The following GALNT14 variants were observed in gnomAD, a reference collection of about 807,000 sequenced individuals.
GALNT14 encodes polypeptide N-acetylgalactosaminyltransferase 14, also known as UDP-GalNAc:polypeptide N-acetylgalactosaminyltransferase 14.
A neutral mutation model predicts 77.5 loss-of-function variants in GALNT14; 60 were observed. The ratio of observed to expected loss-of-function variants is 0.77; its 90% confidence interval spans 0.63 to 0.96. GALNT14 has a LOEUF of 0.96. Among genes scored for constraint, GALNT14 ranks in the 40% least tolerant of loss-of-function variants. GALNT14 has a pLI of 0.00. For missense variants in GALNT14, 710 were observed against 731.0 expected, an observed-to-expected ratio of 0.97 and a Z score of 0.33; for synonymous variants, 280 against 281.7, an observed-to-expected ratio of 0.99 and a Z score of 0.06.
chr2:30,910,986 T>C lies in GALNT14; in HGVS notation c.1574A>G (p.Asp525Gly). 1 of 1,613,926 alleles carries C rather than the reference T, an allele frequency of 6.2e-7. No homozygotes were observed. Among genetic ancestry groups the C allele is most frequent in the Non-Finnish European group, 8.5e-7 (1 of 1,179,940 alleles). The change falls in exon 15 of 15, where the codon GAT becomes GGT. Residue 525 changes from aspartate (D) to glycine (G), a missense_variant. By Grantham distance (94) the Asp-to-Gly change is moderately conservative. Coordinates refer to ENST00000349752, the MANE Select transcript of GALNT14 (RefSeq NM_024572.4). ...GATTTCCTTGCCGTTCTCGGTGCCA[T>C]CACCGAACATATCTGTATCGAGGCA... is the stretch of plus-strand genomic sequence containing the variant. ...HLCLDTDMFGDGTENGKEIVV... is the reference protein window; with the variant it reads ...HLCLDTDMFGGGTENGKEIVV...
At chr2:30,911,934 C>T (rs573282847) in intron 14 of GALNT14, among the ~76,000 whole-genome samples, 42 of 152,238 alleles carry the variant, frequency 2.8e-4, no homozygotes, top group South Asian at 8.3e-4. Flanking sequence ...TGGGATCCCA[C>T]GTGGGGAACA....
At chr2:31,081,192 C>T (rs1022509838) in intron 1 of GALNT14, among the ~76,000 whole-genome samples, 1 of 152,164 alleles carries the variant, frequency 6.6e-6, no homozygotes. Flanking sequence ...AATGGTAAAG[C>T]TCAGTTAATC....
Position 30,914,779 on chromosome 2 carries a change from G to A in GALNT14, c.1381-2437C>T, listed in dbSNP as rs183034538. On this transcript the variant is annotated intron_variant, in intron 13 of 14. Transcript: ENST00000349752. ...CCTCGGAGGACAAACCCAGGGATGA[G>A]ACCCACGCAGGGTTTTGAATTAGGC... Among the ~76,000 whole-genome samples, 595 of 152,344 alleles carry A rather than the reference G, an allele frequency of 3.9e-3. 3 individuals are homozygous for A. The highest frequency in any genetic ancestry group is 7.5e-3 in the Admixed American group (114 of 15,302).
rs555114669 is a variant in GALNT14, at chr2:31,127,116, C to T, written c.129+10842G>A. The stretch of plus-strand genomic sequence containing the variant: ...TACTCAAGGAATTTCACAAGGTGAA[C>T]GCACCTGTGTAACCAGCCCCCCAAT... On this transcript the variant is annotated intron_variant, in intron 1 of 14. Coordinates refer to ENST00000349752, the MANE Select transcript of GALNT14 (RefSeq NM_024572.4). Among the ~76,000 whole-genome samples the T allele has an allele frequency of 6.0e-4, 92 of 152,278 alleles. 2 individuals are homozygous for T. In the South Asian group the frequency reaches 7.3e-3, roughly 12 times the overall value.
chr2:31,135,951 G>A (rs1460417151), intron 1 of GALNT14, among the ~76,000 whole-genome samples: 2 of 152,160 alleles, frequency 1.3e-5, no homozygotes, highest in Non-Finnish European at 2.9e-5. Flanking sequence ...AAAGAAACAG[G>A]TCTCTTGTCC....
chr2:30,910,719 T>A lies in GALNT14; in HGVS notation c.*182A>T. 1 of 588,652 alleles carries A rather than the reference T, an allele frequency of 1.7e-6. No individual in the cohort carries two copies. Among genetic ancestry groups the A allele is most frequent in the Non-Finnish European group, 2.9e-6 (1 of 342,700 alleles). 36.5% of individuals were successfully genotyped at this position (588,652 alleles called of 1,614,324 possible). A position where few individuals can be genotyped will look rare whatever the true frequency, so the allele number is the denominator to read the frequency against. On this transcript the variant is annotated 3_prime_UTR_variant, in exon 15 of 15. Coordinates refer to ENST00000349752, the MANE Select transcript of GALNT14 (RefSeq NM_024572.4). ...ATGTGGGATTTGTCTTTGAGCCCCA[T>A]TGGCTTGTGATGTTTTCCTCTGTCC...
intron 1 of GALNT14, among the ~76,000 whole-genome samples, chr2:31,077,642 T>C (rs1196283694): frequency 5.3e-5 from 8 of 152,356 alleles, no homozygotes; most frequent in Middle Eastern, 3.4e-3. Flanking sequence ...AATAATGACA[T>C]TGAAAGTACC....
chr2:31,046,427 A>T (rs1338719899), intron 1 of GALNT14, among the ~76,000 whole-genome samples: 2 of 152,048 alleles, frequency 1.3e-5, no homozygotes, highest in East Asian at 3.9e-4. Context: ...ACGGGGTTTC[A>T]CTATGTTAGC....
intron 8 of GALNT14, among the ~76,000 whole-genome samples, chr2:30,944,185 C>T (rs1666549298): frequency 6.6e-6 from 1 of 152,228 alleles, no homozygotes; most frequent in Admixed American, 6.5e-5. Flanking sequence ...AAGACCATCA[C>T]TCTTGAAGCT....
intron 1 of GALNT14, among the ~76,000 whole-genome samples, chr2:31,010,034 G>T (rs996159695): frequency 6.6e-6 from 1 of 152,194 alleles, no homozygotes; most frequent in Admixed American, 6.5e-5. Flanking sequence ...CACCCATGCT[G>T]CAGTGCAATG....
intron 1 of GALNT14, among the ~76,000 whole-genome samples, chr2:31,044,836 G>A (rs1275131077): frequency 1.3e-5 from 2 of 151,982 alleles, no homozygotes; most frequent in Non-Finnish European, 2.9e-5. Flanking sequence ...GATCACTTGA[G>A]CATGGGAGGT....
At chr2:30,972,035 C>T (rs958714781) in intron 2 of GALNT14, among the ~76,000 whole-genome samples, 2 of 152,224 alleles carry the variant, frequency 1.3e-5, no homozygotes, top group Non-Finnish European at 2.9e-5. Context: ...TGATCTTCCT[C>T]CTGCGGCATG....
downstream of GALNT14, among the ~76,000 whole-genome samples, chr2:30,909,871 T>C (rs969416083): frequency 1.1e-4 from 17 of 151,914 alleles, no homozygotes; most frequent in African/African-American, 4.1e-4. Flanking sequence ...CATGGAATAC[T>C]ATGCAGCCAT....
At chr2:30,934,940 C>T (rs1442320398) in intron 9 of GALNT14, among the ~76,000 whole-genome samples, 1 of 152,194 alleles carries the variant, frequency 6.6e-6, no homozygotes, top group African/African-American at 2.4e-5. Context: ...ATCTCCTATG[C>T]CCTCAGCATC....
At chr2:30,977,868 A>C (rs1668733193) in intron 2 of GALNT14, among the ~76,000 whole-genome samples, 1 of 148,744 alleles carries the variant, frequency 6.7e-6, no homozygotes. Flanking sequence ...TATATCACCA[A>C]GCCTGATCTA....
chr2:30,947,424 C>G (rs549334184), intron 6 of GALNT14, among the ~76,000 whole-genome samples: 1 of 152,296 alleles, frequency 6.6e-6, no homozygotes, highest in East Asian at 1.9e-4. Context: ...TCAAAATATG[C>G]AAGCCTAAGT....
At chr2:31,054,573 T>G (rs112113248) in intron 1 of GALNT14, among the ~76,000 whole-genome samples, 26 of 152,318 alleles carry the variant, frequency 1.7e-4, no homozygotes, top group African/African-American at 6.0e-4. Flanking sequence ...CACAAATGAA[T>G]AAACAAGTGA....
chr2:30,918,322 T>C (rs906092969), intron 13 of GALNT14, among the ~76,000 whole-genome samples: 1 of 152,224 alleles, frequency 6.6e-6, no homozygotes, highest in South Asian at 2.1e-4. Context: ...ACCTGTGAAT[T>C]TGAGCGAGTT....
chr2:30,944,419 A>C (rs1010482070), intron 8 of GALNT14, among the ~76,000 whole-genome samples: 14 of 152,196 alleles, frequency 9.2e-5, no homozygotes, highest in African/African-American at 3.1e-4. Context: ...TGTGCTTATG[A>C]ATATGTCACA....
Sources: allele counts gnomAD v4.1 joint callset (sites outside exome capture counted in the v4.1 genomes callset), GRCh38; gene constraint gnomAD v4.1.1; transcripts MANE v1.5; gene names NCBI Gene and HGNC (gene_info 2026-07-23, HGNC 2026-07-21).